SDHC: variants seen among roughly 807,000 people sequenced by gnomAD.
SDHC encodes the protein succinate dehydrogenase cytochrome b560 subunit, mitochondrial.
Under a neutral mutation model 22.6 loss-of-function variants are expected in SDHC, and 11 were observed. The observed-to-expected ratio is 0.49, with a 90% CI of 0.31 to 0.81. The LOEUF (loss-of-function observed/expected upper bound fraction) is 0.81. SDHC is among the 30% of genes least tolerant of loss of function. The pLI is 0.05. For missense variants in SDHC, 160 were observed against 212.0 expected (o/e 0.75, Z 1.52); for synonymous variants, 80 against 77.8 (o/e 1.03, Z -0.15).
chr1:161,333,322 G>C (rs1671349291), intron 3 of SDHC, among the ~76,000 whole-genome samples: 1 of 150,964 alleles, frequency 6.6e-6, no homozygotes. Context: ...ACAAGTTTTT[G>C]TGTGCACATA....
rs562239156 is a variant in SDHC at position 161,323,032 on chromosome 1, T to C, written c.21-582T>C. ...TTTTTTTTTTGAGACAGAGTCTCGCTCTGTCACCCGGGCTGGAGTGCAGTG... is the reference window on the plus strand; with the variant it reads ...TTTTTTTTTTGAGACAGAGTCTCGCCCTGTCACCCGGGCTGGAGTGCAGTG... On this transcript the variant is annotated intron_variant, in intron 1 of 5. Transcript: ENST00000367975. Among the ~76,000 whole-genome samples the C allele has an allele frequency of 7.2e-5, 11 of 151,734 alleles. No homozygotes were observed. The South Asian group carries it at 1.7e-3, about 23-fold the overall frequency.
At chr1:161,362,302 T>TG in intron 5 of SDHC, 27 bp from the exon 6 acceptor site, 1 of 143,744 alleles carries the variant, frequency 7.0e-6, no homozygotes, top group East Asian at 1.7e-4. Flanking sequence ...CTGAAATTCC[T>TG]TTTTTTTTTT....
intron 4 of SDHC, among the ~76,000 whole-genome samples, chr1:161,344,414 G>A (rs1169979528): frequency 6.6e-6 from 1 of 151,908 alleles, no homozygotes; most frequent in African/African-American, 2.4e-5. Flanking sequence ...CTGTCACTGT[G>A]CCACTGCACT....
At chr1:161,352,445 G>C (rs181406103) in intron 4 of SDHC, among the ~76,000 whole-genome samples, 1 of 152,122 alleles carries the variant, frequency 6.6e-6, no homozygotes, top group Admixed American at 6.6e-5. Flanking sequence ...CTGATTACAA[G>C]AACATATTAC....
In SDHC at chr1:161,323,624, C is replaced by A. The variant is rs759914119; in HGVS notation, c.31C>A (p.Arg11Ser). 6.2e-7 allele frequency: 1 copy of A among 1,613,326 alleles called. No homozygotes were observed. Among genetic ancestry groups the A allele is most frequent in the South Asian group, 1.1e-5 (1 of 91,054 alleles). Residue 11 changes from arginine (R) to serine (S), a missense_variant, in exon 2 of 6, where the codon CGT becomes AGT. Arg to Ser is a moderately radical substitution (Grantham distance 110). Coordinates refer to ENST00000367975, the MANE Select transcript of SDHC (RefSeq NM_003001.5). MAALLLRHVGRHCLRAHFSPQ... is the reference protein window; with the variant it reads MAALLLRHVGSHCLRAHFSPQ... ...TCTCTTATCTTGCAGACACGTTGGT[C>A]GTCATTGCCTCCGAGCCCACTTTAG...
chr1:161,328,228 G>T (rs1007369998), intron 2 of SDHC, among the ~76,000 whole-genome samples, 168 bp from the exon 3 acceptor site: 2 of 152,020 alleles, frequency 1.3e-5, no homozygotes, highest in East Asian at 1.9e-4. Context: ...TCTCGAACTT[G>T]TGACCTCAGG....
At chr1:161,357,973 C>T (rs1558183558) in intron 5 of SDHC, among the ~76,000 whole-genome samples, 1 of 151,366 alleles carries the variant, frequency 6.6e-6, no homozygotes, top group Non-Finnish European at 1.5e-5. Flanking sequence ...CAGAATTGGG[C>T]CAACTTTAAT....
intron 4 of SDHC, among the ~76,000 whole-genome samples, chr1:161,349,021 A>C (rs1000761985): frequency 3.3e-5 from 5 of 152,234 alleles, no homozygotes; most frequent in African/African-American, 4.8e-5. Flanking sequence ...AACATAAAGC[A>C]TGAGATTAGG....
intron 3 of SDHC, among the ~76,000 whole-genome samples, chr1:161,335,316 A>G (rs930112493): frequency 1.3e-5 from 2 of 152,212 alleles, no homozygotes; most frequent in Non-Finnish European, 2.9e-5. Flanking sequence ...TTACTGAATA[A>G]GGATGTTGTA....
chr1:161,353,676 T>G (rs1416902074), intron 4 of SDHC, among the ~76,000 whole-genome samples: 2 of 152,114 alleles, frequency 1.3e-5, no homozygotes, highest in Non-Finnish European at 2.9e-5. Flanking sequence ...TGAGTAGACA[T>G]TTTTTAAAAA....
intron 5 of SDHC, among the ~76,000 whole-genome samples, chr1:161,359,584 A>G (rs1672422625): frequency 6.6e-6 from 1 of 152,212 alleles, no homozygotes; most frequent in Non-Finnish European, 1.5e-5. Context: ...TATGGGGGTA[A>G]GAGAGGGGAG....
rs147413047 is a variant in SDHC, at chr1:161,358,633, T to TA, written c.405+1803dup. The stretch of plus-strand genomic sequence containing the variant: ...GCCTGGGTGACAGAGTGACCCCATC[T>TA]AAAAAAAAAATAGGCGGGCACAGTG... On this transcript the variant is annotated intron_variant, in intron 5 of 5. Transcript: ENST00000367975. Among the ~76,000 whole-genome samples, 45 of 146,286 alleles carry TA rather than the reference T, an allele frequency of 3.1e-4. 1 individual carries two copies. Among genetic ancestry groups the TA allele is most frequent in the Admixed American group, 1.9e-3 (28 of 14,636 alleles).
At chr1:161,357,925 C>G (rs990052012) in intron 5 of SDHC, among the ~76,000 whole-genome samples, 3 of 151,826 alleles carry the variant, frequency 2.0e-5, no homozygotes, top group African/African-American at 4.8e-5. Context: ...CTTTTCTTAT[C>G]TACACATTAT....
Position 161,362,685 on chromosome 1 carries a change from G to C in SDHC, c.*252G>C. On this transcript the variant is annotated 3_prime_UTR_variant, in exon 6 of 6. Transcript: ENST00000367975. Reference sequence around the variant, plus strand: ...TTTTGCCCACAGCTTGCCTACTCTCGGCCTAGAAGCAGTTATTCTCTCTCC... The same window carrying C: ...TTTTGCCCACAGCTTGCCTACTCTCCGCCTAGAAGCAGTTATTCTCTCTCC... 4.5e-6 allele frequency: 3 copies of C among 664,526 alleles called. No individual in the cohort carries two copies. The highest frequency in any genetic ancestry group is 2.6e-6 in the Non-Finnish European group (1 of 381,884). The allele number at this position is 664,526 out of a possible 1,614,324, so 41.2% of individuals were successfully genotyped here. A position where few individuals can be genotyped will look rare whatever the true frequency, so the allele number is the denominator to read the frequency against.
Position 161,362,649 on chromosome 1 carries a change from A to G in SDHC, c.*216A>G. 2 of 1,526,214 alleles carry G rather than the reference A, an allele frequency of 1.3e-6. No homozygotes were observed. Among genetic ancestry groups the G allele is most frequent in the Non-Finnish European group, 1.8e-6 (2 of 1,129,034 alleles). 94.5% of individuals were successfully genotyped at this position (1,526,214 alleles called of 1,614,324 possible). A position where few individuals can be genotyped will look rare whatever the true frequency, so the allele number is the denominator to read the frequency against. ...GTTTCTAAAGATGAGGTGGCTGCAAAAACTCCCCTTTTTTGCCCACAGCTT... is the reference window on the plus strand; with the variant it reads ...GTTTCTAAAGATGAGGTGGCTGCAAGAACTCCCCTTTTTTGCCCACAGCTT... On this transcript the variant is annotated 3_prime_UTR_variant, in exon 6 of 6. Coordinates refer to ENST00000367975, the MANE Select transcript of SDHC (RefSeq NM_003001.5).
At chr1:161,339,114 C>T (rs1237654800) in intron 3 of SDHC, among the ~76,000 whole-genome samples, 1 of 152,172 alleles carries the variant, frequency 6.6e-6, no homozygotes, top group African/African-American at 2.4e-5. Flanking sequence ...TCTTAAAGTG[C>T]TGGGATTACA....
intron 5 of SDHC, among the ~76,000 whole-genome samples, chr1:161,361,628 A>G (rs1252120184): frequency 6.6e-6 from 1 of 152,198 alleles, no homozygotes; most frequent in Non-Finnish European, 1.5e-5. Context: ...TCACGAGATC[A>G]GGAGATCAAG....
intron 4 of SDHC, among the ~76,000 whole-genome samples, chr1:161,349,411 G>A (rs967333366): frequency 6.6e-6 from 1 of 152,176 alleles, no homozygotes; most frequent in African/African-American, 2.4e-5. Flanking sequence ...GTTGCAGTGA[G>A]CCGAGATCAT....
At chr1:161,342,072 C>G (rs1049254550) in intron 4 of SDHC, among the ~76,000 whole-genome samples, 3 of 152,098 alleles carry the variant, frequency 2.0e-5, no homozygotes, top group African/African-American at 7.2e-5. Context: ...TGCATATTGA[C>G]TATAATAACT....
Sources: gnomAD v4.1 joint callset for allele counts (sites outside exome capture counted in the v4.1 genomes callset) on GRCh38, gnomAD v4.1.1 for gene constraint, MANE v1.5 for transcripts, NCBI Gene and HGNC (gene_info 2026-07-23, HGNC 2026-07-21) for gene names.